The following FBXL7 variants were observed in gnomAD, a reference collection of about 807,000 sequenced individuals.
FBXL7 encodes the protein F-box and leucine rich repeat protein 7.
Under a neutral mutation model 38.3 loss-of-function variants are expected in FBXL7, and 12 were observed. That is an observed-to-expected ratio of 0.31 (90% confidence interval 0.20 to 0.51). The LOEUF is 0.51. Ranked by LOEUF, FBXL7 falls within the 20% of genes least tolerant of loss-of-function variation. The pLI, the probability that FBXL7 is intolerant of heterozygous loss-of-function variation, is 0.98. For missense variants in FBXL7, 567 were observed against 676.4 expected, an observed-to-expected ratio of 0.84 and a Z score of 1.79; for synonymous variants, 297 against 300.9, an observed-to-expected ratio of 0.99 and a Z score of 0.13.
chr5:15,635,633 TAG>T (rs752431067), intron 2 of FBXL7, among the ~76,000 whole-genome samples: 13 of 152,048 alleles, frequency 8.5e-5, no homozygotes, highest in Non-Finnish European at 1.9e-4. Context: ...GGAGGGAGCT[TAG>T]GGCTTTTTCA....
At chr5:15,694,243 T>C (rs1208578309) in intron 2 of FBXL7, among the ~76,000 whole-genome samples, 1 of 152,198 alleles carries the variant, frequency 6.6e-6, no homozygotes, top group Non-Finnish European at 1.5e-5. Context: ...AAGGGAAAAC[T>C]CCTCCCATTT....
chr5:15,513,325 T>A (rs1289212003), intron 1 of FBXL7, among the ~76,000 whole-genome samples: 1 of 152,192 alleles, frequency 6.6e-6, no homozygotes, highest in Non-Finnish European at 1.5e-5. Context: ...GAAGTACAAT[T>A]AAAATGAAAG....
chr5:15,915,192 C>T (rs368809853), intron 2 of FBXL7, among the ~76,000 whole-genome samples: 1 of 152,182 alleles, frequency 6.6e-6, no homozygotes, highest in Admixed American at 6.5e-5. Context: ...CAATGCCTGG[C>T]ATATAGTAAG....
At chr5:15,604,551 C>T (rs546316873) in intron 1 of FBXL7, among the ~76,000 whole-genome samples, 9 of 152,200 alleles carry the variant, frequency 5.9e-5, no homozygotes, top group South Asian at 2.1e-4. Flanking sequence ...GACAGGGTTT[C>T]GCCATGTTGG....
chr5:15,825,154 A>C (rs1738277125), intron 2 of FBXL7, among the ~76,000 whole-genome samples: 2 of 152,232 alleles, frequency 1.3e-5, no homozygotes, highest in South Asian at 4.1e-4. Flanking sequence ...TCCATAAGCT[A>C]TGACGGATGC....
chr5:15,708,407 TC>T (rs1743757241), intron 2 of FBXL7, among the ~76,000 whole-genome samples: 1 of 152,216 alleles, frequency 6.6e-6, no homozygotes, highest in South Asian at 2.1e-4. Flanking sequence ...TACCTAATTT[TC>T]CCTGCTAATT....
intron 1 of FBXL7, among the ~76,000 whole-genome samples, chr5:15,549,942 G>C (rs1202024121): frequency 1.3e-5 from 2 of 152,186 alleles, no homozygotes; most frequent in Admixed American, 1.3e-4. Context: ...GCTTAGAAAC[G>C]TAGGCCTGCA....
chr5:15,722,737 A>G (rs913585097), intron 2 of FBXL7, among the ~76,000 whole-genome samples: 1 of 152,150 alleles, frequency 6.6e-6, no homozygotes, highest in Non-Finnish European at 1.5e-5. Context: ...AGCCTGGCCA[A>G]CGTGGTGAAA....
intron 2 of FBXL7, among the ~76,000 whole-genome samples, chr5:15,674,966 T>G (rs1742604689): frequency 6.6e-6 from 1 of 152,154 alleles, no homozygotes; most frequent in Admixed American, 6.5e-5. Context: ...CAGTGGTCAG[T>G]CTGTGTTATG....
chr5:15,868,620 G>A (rs79967045), intron 2 of FBXL7, among the ~76,000 whole-genome samples: 2,365 of 152,176 alleles, frequency 0.016, 32 homozygotes, highest in Non-Finnish European at 0.022. Context: ...TGAAGGTATA[G>A]GTAAAGCACT....
chr5:15,512,752 ATTG>A (rs1048276953), intron 1 of FBXL7, among the ~76,000 whole-genome samples: 2 of 152,176 alleles, frequency 1.3e-5, no homozygotes, highest in East Asian at 1.9e-4. Flanking sequence ...CATTTACAGT[ATTG>A]TTGACCTATT....
chr5:15,695,021 T>C (rs1743291446), intron 2 of FBXL7, among the ~76,000 whole-genome samples: 1 of 152,202 alleles, frequency 6.6e-6, no homozygotes, highest in Non-Finnish European at 1.5e-5. Context: ...GCAACAGACC[T>C]GCTCAAAAAT....
intron 2 of FBXL7, among the ~76,000 whole-genome samples, chr5:15,899,775 G>T (rs762417523): frequency 6.6e-6 from 1 of 152,270 alleles, no homozygotes; most frequent in East Asian, 1.9e-4. Flanking sequence ...AGCCCATAAA[G>T]ACCTTCCTGC....
chr5:15,839,221 T>C (rs1281751946), intron 2 of FBXL7, among the ~76,000 whole-genome samples: 1 of 151,982 alleles, frequency 6.6e-6, no homozygotes, highest in African/African-American at 2.4e-5. Context: ...GTGTTCTTTG[T>C]CATACAAAGA....
chr5:15,507,933 C>T (rs1287453632), intron 1 of FBXL7, among the ~76,000 whole-genome samples: 2 of 152,012 alleles, frequency 1.3e-5, no homozygotes, highest in Non-Finnish European at 2.9e-5. Context: ...ATCCCAGCTA[C>T]TCAGGAGGCA....
In FBXL7 at chr5:15,583,686, G is replaced by A. The variant is rs1039938083; in HGVS notation, c.38-32297G>A. Among the ~76,000 whole-genome samples the A allele has an allele frequency of 4.6e-5, 7 of 152,290 alleles. No individual in the cohort carries two copies. The East Asian group carries it at 1.4e-3, about 29-fold the overall frequency. On this transcript the variant is annotated intron_variant, in intron 1 of 3. Coordinates refer to ENST00000504595, the MANE Select transcript of FBXL7 (RefSeq NM_012304.5). ...GGGTGGGCTCCCACGGCCTTGGACA[G>A]CTGCTTCACAGGCTGTCGTTGAGTG... is the stretch of plus-strand genomic sequence containing the variant.
At chr5:15,893,289 A>G (rs1259153083) in intron 2 of FBXL7, among the ~76,000 whole-genome samples, 1 of 152,170 alleles carries the variant, frequency 6.6e-6, no homozygotes, top group Non-Finnish European at 1.5e-5. Context: ...TGTTTATTCT[A>G]TAACAATTGG....
At chr5:15,746,194 A>G (rs1230474766) in intron 2 of FBXL7, among the ~76,000 whole-genome samples, 1 of 152,208 alleles carries the variant, frequency 6.6e-6, no homozygotes, top group Non-Finnish European at 1.5e-5. Flanking sequence ...ATTAGAGAGG[A>G]GGAAGATTCA....
intron 1 of FBXL7, among the ~76,000 whole-genome samples, chr5:15,613,674 G>A (rs1030687620): frequency 3.9e-5 from 6 of 152,046 alleles, no homozygotes; most frequent in African/African-American, 1.4e-4. Context: ...GTATTGTTCG[G>A]TGACTTTCAT....
Sources: gnomAD v4.1 joint callset for allele counts (sites outside exome capture counted in the v4.1 genomes callset) on GRCh38, gnomAD v4.1.1 for gene constraint, MANE v1.5 for transcripts, NCBI Gene and HGNC (gene_info 2026-07-23, HGNC 2026-07-21) for gene names.